The following COL25A1 variants were observed in gnomAD, a reference collection of about 807,000 sequenced individuals.
COL25A1 encodes the protein collagen alpha-1(XXV) chain.
Under a neutral mutation model 128.4 loss-of-function variants are expected in COL25A1, and 103 were observed. The ratio of observed to expected loss-of-function variants is 0.80; its 90% CI spans 0.68 to 0.94. The LOEUF (loss-of-function observed/expected upper bound fraction) is 0.94. Ranked by LOEUF, COL25A1 falls within the 40% of genes least tolerant of loss-of-function variation. The pLI is 0.00. For synonymous variants in COL25A1, 279 were observed against 277.2 expected (o/e 1.01, Z -0.06); for missense variants, 745 against 840.0 (o/e 0.89, Z 1.40).
chr4:109,192,732 T>C (rs545180157), intron 3 of COL25A1, among the ~76,000 whole-genome samples: 1 of 152,140 alleles, frequency 6.6e-6, no homozygotes, highest in East Asian at 1.9e-4. Flanking sequence ...GGGGCACCTG[T>C]AGTACCAGCT....
At chr4:109,103,031 T>C (rs1332293893) in intron 3 of COL25A1, among the ~76,000 whole-genome samples, 1 of 152,174 alleles carries the variant, frequency 6.6e-6, no homozygotes, top group East Asian at 1.9e-4. Context: ...AGTTTGGTGA[T>C]TGCACTTACC....
intron 37 of COL25A1, among the ~76,000 whole-genome samples, chr4:108,814,166 A>G (rs2125701209): frequency 6.6e-6 from 1 of 152,270 alleles, no homozygotes; most frequent in East Asian, 1.9e-4. Context: ...TTCCTTTGCC[A>G]CTGAGAATTA....
chr4:109,114,667 T>C (rs1269427495), intron 3 of COL25A1, among the ~76,000 whole-genome samples: 1 of 152,060 alleles, frequency 6.6e-6, no homozygotes, highest in Non-Finnish European at 1.5e-5. Context: ...AATATCAACG[T>C]GACATACGGG....
At chr4:108,862,399 G>A (rs756603170) in intron 22 of COL25A1, 102 bp downstream of exon 22, 46 of 854,404 alleles carry the variant, frequency 5.4e-5, no homozygotes, top group Non-Finnish European at 8.5e-5. Flanking sequence ...CTGTGTGAAA[G>A]AGTTTAATCT....
At chr4:108,892,472 A>G (rs1054641792) in intron 16 of COL25A1, among the ~76,000 whole-genome samples, 2 of 152,218 alleles carry the variant, frequency 1.3e-5, no homozygotes, top group African/African-American at 4.8e-5. Flanking sequence ...ACAAATACTT[A>G]GCAAGCACTA....
At chr4:109,238,043 C>G (rs1267085986) in intron 3 of COL25A1, among the ~76,000 whole-genome samples, 3 of 151,970 alleles carry the variant, frequency 2.0e-5, no homozygotes, top group Admixed American at 2.0e-4. Flanking sequence ...ATACATACTA[C>G]ATTTTGTTTA....
intron 36 of COL25A1, among the ~76,000 whole-genome samples, chr4:108,819,022 T>A (rs1051551980): frequency 6.6e-6 from 1 of 152,172 alleles, no homozygotes; most frequent in African/African-American, 2.4e-5. Flanking sequence ...GAAAAGGTGG[T>A]CATGTCAGTT....
In COL25A1 at chr4:109,302,026, G is replaced by C; in HGVS notation, c.-7C>G. 2 of 1,574,028 alleles carry C rather than the reference G, an allele frequency of 1.3e-6. No individual in the cohort carries two copies. The highest frequency in any genetic ancestry group is 8.6e-7 in the Non-Finnish European group (1 of 1,164,222). On this transcript the variant is annotated 5_prime_UTR_variant, in exon 2 of 38. Transcript: ENST00000399132. The stretch of plus-strand genomic sequence containing the variant: ...CGTGCTTCTTCAGCAGCATCGTGGC[G>C]GGGTCGGCCGTCTCGGCTTCGCTTC...
intron 3 of COL25A1, among the ~76,000 whole-genome samples, chr4:109,117,102 T>A (rs1448137052): frequency 6.9e-6 from 1 of 145,692 alleles, no homozygotes; most frequent in African/African-American, 2.4e-5. Flanking sequence ...TTTGTAACAA[T>A]GATGACTGAG....
intron 27 of COL25A1, among the ~76,000 whole-genome samples, 170 bp downstream of exon 27, chr4:108,848,589 C>T (rs981701731): frequency 1.3e-5 from 2 of 151,870 alleles, no homozygotes; most frequent in Admixed American, 6.6e-5. Context: ...GATGTTTTTG[C>T]GAAGAAAACT....
At chr4:108,868,935 GGAAAGAAAGAAAA>G (rs1399804373) in intron 20 of COL25A1, among the ~76,000 whole-genome samples, 140 bp downstream of exon 20, 3 of 121,336 alleles carry the variant, frequency 2.5e-5, no homozygotes, top group African/African-American at 6.2e-5. Flanking sequence ...AAAGAAGGAA[GGAAAGAAAGAAAA>G]GAAAGAAAGA....
rs992315299 is a variant in COL25A1, at chr4:109,048,797, T to C, written c.413-622A>G. On this transcript the variant is annotated intron_variant, in intron 4 of 37. Coordinates refer to ENST00000399132, the MANE Select transcript of COL25A1 (RefSeq NM_198721.4). ...TTGGCTTTTATTTTCTATGAAACTT[T>C]GTATAAGCATAAATTTTTCACTTTT... 3.3e-5 allele frequency among the ~76,000 whole-genome samples: 5 copies of C among 152,170 alleles called. No individual in the cohort carries two copies. The South Asian group carries it at 6.2e-4, about 19-fold the overall frequency.
At chr4:109,105,151 G>A (rs1318787338) in intron 3 of COL25A1, among the ~76,000 whole-genome samples, 1 of 152,114 alleles carries the variant, frequency 6.6e-6, no homozygotes, top group Non-Finnish European at 1.5e-5. Flanking sequence ...AAATACTTTT[G>A]CATTTGTTTT....
intron 30 of COL25A1, among the ~76,000 whole-genome samples, chr4:108,844,265 T>C (rs1389875943): frequency 1.3e-5 from 2 of 152,236 alleles, no homozygotes; most frequent in African/African-American, 4.8e-5. Context: ...AAAGTTGTAG[T>C]AGAGCTTGCT....
At chr4:109,037,393 GGA>G (rs903129826) in intron 5 of COL25A1, among the ~76,000 whole-genome samples, 1 of 152,144 alleles carries the variant, frequency 6.6e-6, no homozygotes, top group African/African-American at 2.4e-5. Flanking sequence ...CAGGAGGAGG[GGA>G]GCTCACAGTG....
intron 3 of COL25A1, among the ~76,000 whole-genome samples, chr4:109,177,761 C>T (rs573226919): frequency 2.5e-4 from 38 of 152,280 alleles, no homozygotes; most frequent in African/African-American, 8.4e-4. Flanking sequence ...TAATTTAAAA[C>T]GAAAGCATAA....
At chr4:108,841,511 T>C (rs1399417281) in intron 31 of COL25A1, among the ~76,000 whole-genome samples, 184 bp downstream of exon 31, 2 of 152,220 alleles carry the variant, frequency 1.3e-5, no homozygotes, top group Non-Finnish European at 2.9e-5. Context: ...CTCCAGGTGA[T>C]ATCATTTAAA....
At chr4:109,148,456 T>G (rs576930500) in intron 3 of COL25A1, among the ~76,000 whole-genome samples, 1 of 152,320 alleles carries the variant, frequency 6.6e-6, no homozygotes, top group South Asian at 2.1e-4. Flanking sequence ...ATATTCATTC[T>G]ACCATCCCAC....
intron 3 of COL25A1, among the ~76,000 whole-genome samples, chr4:109,167,168 A>G (rs1773149626): frequency 6.6e-6 from 1 of 152,178 alleles, no homozygotes; most frequent in East Asian, 1.9e-4. Context: ...AATTTGTATA[A>G]CATCTTAAGT....
Sources: allele counts gnomAD v4.1 joint callset (sites outside exome capture counted in the v4.1 genomes callset), GRCh38; gene constraint gnomAD v4.1.1; transcripts MANE v1.5; gene names NCBI Gene and HGNC (gene_info 2026-07-23, HGNC 2026-07-21).